HDAC9: variants seen among roughly 807,000 people sequenced by gnomAD.
The protein encoded by HDAC9 is histone deacetylase 9.
HDAC9 carries 41 observed loss-of-function variants against 139.4 expected under a neutral mutation model. The observed-to-expected ratio is 0.29, with a 90% confidence interval of 0.23 to 0.38. The LOEUF (loss-of-function observed/expected upper bound fraction) is 0.38, where lower values mean the gene tolerates loss of function less well. Ranked by LOEUF, HDAC9 falls within the 10% of genes least tolerant of loss-of-function variation. The pLI, the probability that HDAC9 is intolerant of heterozygous loss-of-function variation, is 1.00. For missense variants in HDAC9, 1,147 were observed against 1,297.0 expected (o/e 0.88, Z 1.78); for synonymous variants, 517 against 476.2 (o/e 1.09, Z -1.12).
At chr7:18,587,656 A>G (rs1437160105) in intron 3 of HDAC9, among the ~76,000 whole-genome samples, 2 of 152,358 alleles carry the variant, frequency 1.3e-5, no homozygotes, top group East Asian at 3.9e-4. Context: ...GAGAAAAATA[A>G]TGATACCTTT....
chr7:18,956,762 C>T (rs1783181334), intron 24 of HDAC9, among the ~76,000 whole-genome samples: 1 of 152,090 alleles, frequency 6.6e-6, no homozygotes, highest in Non-Finnish European at 1.5e-5. Flanking sequence ...TAGTCTAAGG[C>T]AGTCAACCCA....
rs561263120 is a variant in HDAC9 at position 18,551,770 on chromosome 7, A to G, written c.23-33511A>G. Among the ~76,000 whole-genome samples the G allele has an allele frequency of 9.2e-5, 14 of 152,328 alleles. No homozygotes were observed. In the East Asian group the frequency reaches 2.5e-3, roughly 27 times the overall value. On this transcript the variant is annotated intron_variant, in intron 2 of 25. Coordinates refer to ENST00000686413, the MANE Select transcript of HDAC9 (RefSeq NM_178425.4). ...GTTGCTTAAGTTTCAAACAGAATCA[A>G]CATTGTTTAAAATTGTTTTAAGAAC...
In HDAC9 at chr7:18,900,442, C is replaced by T. The variant is rs554309237; in HGVS notation, c.2803+25846C>T. On this transcript the variant is annotated intron_variant, in intron 22 of 25. Transcript: ENST00000686413. ...AACACACAAATGCCAACCTCAGAGA[C>T]GCCTTACCTTTGCCCTGTCTGTCCC... is the stretch of plus-strand genomic sequence containing the variant. 9.2e-5 allele frequency among the ~76,000 whole-genome samples: 14 copies of T among 152,238 alleles called. No homozygotes were observed. The South Asian group carries it at 1.5e-3, about 16-fold the overall frequency.
chr7:18,807,847 A>T (rs1429636492), intron 17 of HDAC9: 1 of 152,130 alleles, frequency 6.6e-6, no homozygotes, highest in Admixed American at 6.6e-5. Flanking sequence ...CCTAATGTGT[A>T]ATCTGTCCTG....
chr7:18,873,010 C>A (rs1799048925), intron 21 of HDAC9, among the ~76,000 whole-genome samples: 1 of 152,098 alleles, frequency 6.6e-6, no homozygotes, highest in African/African-American at 2.4e-5. Context: ...ACTCCTAATT[C>A]TTTGGAAAAA....
intron 1 of HDAC9, among the ~76,000 whole-genome samples, chr7:18,470,496 A>G (rs1016088531): frequency 6.6e-6 from 1 of 152,192 alleles, no homozygotes; most frequent in Non-Finnish European, 1.5e-5. Flanking sequence ...ATGCAGAGGT[A>G]AAAGAATCTT....
chr7:18,576,841 T>C (rs1200005640), intron 2 of HDAC9, among the ~76,000 whole-genome samples: 1 of 152,086 alleles, frequency 6.6e-6, no homozygotes, highest in Non-Finnish European at 1.5e-5. Context: ...CCTGTACATA[T>C]GAGTTGCACA....
At chr7:18,440,591 A>G (rs895418116) in intron 1 of HDAC9, among the ~76,000 whole-genome samples, 41 of 152,142 alleles carry the variant, frequency 2.7e-4, no homozygotes, top group African/African-American at 4.8e-5. Context: ...TATTTCAGAC[A>G]TTTTTAATCT....
At chr7:18,803,584 G>C (rs1394147203) in intron 17 of HDAC9, among the ~76,000 whole-genome samples, 5 of 152,068 alleles carry the variant, frequency 3.3e-5, no homozygotes, top group African/African-American at 1.2e-4. Context: ...GTTTCTCTCA[G>C]CACTTTAAAT....
chr7:18,406,636 G>A (rs1463894781), intron 1 of HDAC9, among the ~76,000 whole-genome samples: 3 of 152,086 alleles, frequency 2.0e-5, no homozygotes, highest in South Asian at 2.1e-4. Flanking sequence ...TGATCCACCC[G>A]CCTTGGCCTT....
chr7:18,390,552 C>A (rs1019662243), intron 1 of HDAC9, among the ~76,000 whole-genome samples: 1 of 152,192 alleles, frequency 6.6e-6, no homozygotes, highest in African/African-American at 2.4e-5. Context: ...TCCTCTCTTT[C>A]CACTTCAGTA....
chr7:18,891,861 G>A (rs1412721812), intron 22 of HDAC9, among the ~76,000 whole-genome samples: 1 of 152,138 alleles, frequency 6.6e-6, no homozygotes, highest in African/African-American at 2.4e-5. Flanking sequence ...GCAGGTCTTT[G>A]TATGAATGGA....
chr7:18,321,435 A>G (rs572684503), intron 1 of HDAC9, among the ~76,000 whole-genome samples: 268 of 152,306 alleles, frequency 1.8e-3, no homozygotes, highest in Non-Finnish European at 3.0e-3. Context: ...CATAAACTCA[A>G]TAACAGGCCA....
intron 13 of HDAC9, among the ~76,000 whole-genome samples, chr7:18,739,558 C>T (rs1787249691): frequency 1.3e-5 from 2 of 152,196 alleles, no homozygotes; most frequent in Non-Finnish European, 2.9e-5. Context: ...TGGAGGTCCA[C>T]TCCAGACCCT....
chr7:18,589,168 A>G (rs551018904), intron 3 of HDAC9, among the ~76,000 whole-genome samples: 4 of 152,154 alleles, frequency 2.6e-5, no homozygotes, highest in East Asian at 1.9e-4. Flanking sequence ...CACATTTACT[A>G]TAGTTCATAG....
chr7:18,472,621 G>GT (rs1358994947), intron 1 of HDAC9, among the ~76,000 whole-genome samples: 1 of 152,094 alleles, frequency 6.6e-6, no homozygotes, highest in Non-Finnish European at 1.5e-5. Context: ...CCTTCCTTAC[G>GT]TATTTACAAG....
chr7:18,223,552 A>T (rs1792851853), intron 2 of HDAC9, among the ~76,000 whole-genome samples: 1 of 152,130 alleles, frequency 6.6e-6, no homozygotes, highest in South Asian at 2.1e-4. Flanking sequence ...CATAACACAA[A>T]TACAGGCAGT....
chr7:18,646,313 C>A (rs1385514763), intron 9 of HDAC9, among the ~76,000 whole-genome samples: 1 of 152,002 alleles, frequency 6.6e-6, no homozygotes, highest in Non-Finnish European at 1.5e-5. Context: ...AATTTTTTCC[C>A]AAAGGACCAA....
intron 2 of HDAC9, among the ~76,000 whole-genome samples, chr7:18,573,407 T>C (rs1824937695): frequency 6.6e-6 from 1 of 152,376 alleles, no homozygotes; most frequent in South Asian, 2.1e-4. Context: ...AAACTGAGGC[T>C]ATGTTGTTTG....
Sources: gnomAD v4.1 joint callset for allele counts (sites outside exome capture counted in the v4.1 genomes callset) on GRCh38, gnomAD v4.1.1 for gene constraint, MANE v1.5 for transcripts, NCBI Gene and HGNC (gene_info 2026-07-23, HGNC 2026-07-21) for gene names.